The following ADRA1A variants were observed in gnomAD, a reference collection of about 807,000 sequenced individuals.
ADRA1A encodes alpha-1A adrenergic receptor.
Under a neutral mutation model 29.6 loss-of-function variants are expected in ADRA1A, and 31 were observed. The ratio of observed to expected loss-of-function variants is 1.05; its 90% CI spans 0.79 to 1.41. The LOEUF (loss-of-function observed/expected upper bound fraction) is 1.41. ADRA1A is among the 40% of genes most tolerant of loss of function. The pLI is 0.00. For synonymous variants in ADRA1A, 311 were observed against 254.3 expected (o/e 1.22, Z -2.12); for missense variants, 619 against 601.1 (o/e 1.03, Z -0.31).
intron 2 of ADRA1A, among the ~76,000 whole-genome samples, chr8:26,813,343 T>C (rs59209658): frequency 0.064 from 9,686 of 152,256 alleles, 670 homozygotes; most frequent in East Asian, 0.32. Context: ...AAAACAACTA[T>C]AAGGTATCCT....
At position 26,806,367 on chromosome 8, in the gene ADRA1A, G is replaced by A. The variant is rs1325803463; in HGVS notation, c.884-35701C>T. On this transcript the variant is annotated intron_variant, in intron 2 of 2. Transcript: ENST00000380573. The surrounding 1 kb of genome is among the most constrained non-coding windows in gnomAD (Gnocchi z 4.6). ...CCCTTACTGTATAACAGATAGCAGG[G>A]TGCAAAAAGCCCTTTATCCTGTTAA... 2.0e-5 allele frequency among the ~76,000 whole-genome samples: 3 copies of A among 151,556 alleles called. No homozygotes were observed. The highest frequency in any genetic ancestry group is 6.6e-5 in the Admixed American group (1 of 15,238).
chr8:26,819,893 A>G (rs1810032766), intron 2 of ADRA1A, among the ~76,000 whole-genome samples: 3 of 152,242 alleles, frequency 2.0e-5, no homozygotes, highest in Admixed American at 2.0e-4. Flanking sequence ...CACATCTGAA[A>G]GGGAAGTGAT....
At chr8:26,766,165 A>G, downstream of ADRA1A, 3 of 1,562,596 alleles carry the variant, frequency 1.9e-6, no homozygotes, top group Non-Finnish European at 2.6e-6. Flanking sequence ...CAAACAAAAA[A>G]AAAGTTGGAA....
intron 2 of ADRA1A, among the ~76,000 whole-genome samples, chr8:26,801,038 T>A (rs1175747460): frequency 6.6e-6 from 1 of 152,170 alleles, no homozygotes; most frequent in Non-Finnish European, 1.5e-5. Flanking sequence ...GTATGATTAT[T>A]TCAATTGTTG....
At chr8:26,774,850 T>TC (rs1293058905) in intron 2 of ADRA1A, among the ~76,000 whole-genome samples, 1 of 152,116 alleles carries the variant, frequency 6.6e-6, no homozygotes, top group Non-Finnish European at 1.5e-5. Flanking sequence ...GCCCAAACCT[T>TC]CCCCGTCTGG....
At chr8:26,840,737 G>A (rs1811760711) in intron 2 of ADRA1A, among the ~76,000 whole-genome samples, 1 of 152,132 alleles carries the variant, frequency 6.6e-6, no homozygotes, top group Admixed American at 6.5e-5. Context: ...ACTCTAAATG[G>A]AGAAACCGCT....
intron 2 of ADRA1A, among the ~76,000 whole-genome samples, chr8:26,846,354 T>G (rs1812199085): frequency 6.6e-6 from 1 of 152,242 alleles, no homozygotes; most frequent in Non-Finnish European, 1.5e-5. Context: ...ATTGCCATTT[T>G]GGGCTGGTTA....
At chr8:26,810,955 C>A (rs1407391141) in intron 2 of ADRA1A, among the ~76,000 whole-genome samples, 1 of 152,304 alleles carries the variant, frequency 6.6e-6, no homozygotes, top group East Asian at 1.9e-4. Flanking sequence ...AGTCTTTCAT[C>A]ATTTCCCACA....
intron 2 of ADRA1A, among the ~76,000 whole-genome samples, chr8:26,777,856 G>A (rs1251803908): frequency 6.6e-6 from 1 of 152,234 alleles, no homozygotes; most frequent in East Asian, 1.9e-4. Flanking sequence ...CACCCTGGGG[G>A]CCTGCCCAGT....
chr8:26,760,552 C>A (rs1339442712), intron 2 of ADRA1A, among the ~76,000 whole-genome samples: 1 of 152,190 alleles, frequency 6.6e-6, no homozygotes, highest in East Asian at 1.9e-4. Flanking sequence ...TGATACAGGG[C>A]AGACAGCACT....
chr8:26,800,169 G>T (rs953407127), intron 2 of ADRA1A, among the ~76,000 whole-genome samples: 2 of 152,128 alleles, frequency 1.3e-5, no homozygotes, highest in African/African-American at 4.8e-5. Flanking sequence ...TGAGGCAAGA[G>T]AATTGCTTGA....
chr8:26,862,984 A>C (rs1813594131), intron 2 of ADRA1A, among the ~76,000 whole-genome samples: 1 of 152,232 alleles, frequency 6.6e-6, no homozygotes, highest in Admixed American at 6.5e-5. Flanking sequence ...ATGAAATAAA[A>C]AGCTTAGGAA....
intron 2 of ADRA1A, among the ~76,000 whole-genome samples, chr8:26,820,237 A>G (rs1810060924): frequency 6.6e-6 from 1 of 152,210 alleles, no homozygotes; most frequent in Non-Finnish European, 1.5e-5. Context: ...TATACTACAT[A>G]CCAAATGCTA....
rs541735162 is a variant in ADRA1A at position 26,859,027 on chromosome 8, C to T, written c.883+5060G>A. ...AGGACCTTTGCAGTCAAATAGCCTA[C>T]TCACCTGATTTTCCTGGGTCAGTCC... On this transcript the variant is annotated intron_variant, in intron 2 of 2. Coordinates refer to ENST00000380573, the MANE Select transcript of ADRA1A (RefSeq NM_000680.4). 161 of 1,232,684 alleles carry T rather than the reference C, an allele frequency of 1.3e-4. No homozygotes were observed. In the African/African-American group the frequency reaches 2.3e-3, roughly 18 times the overall value. The allele number at this position is 1,232,684 out of a possible 1,614,324, so 76.4% of individuals were successfully genotyped here. A position where few individuals can be genotyped will look rare whatever the true frequency, so the allele number is the denominator to read the frequency against.
intron 2 of ADRA1A, chr8:26,771,791 C>A (rs771255795): frequency 6.5e-6 from 1 of 153,488 alleles, no homozygotes; most frequent in Non-Finnish European, 1.5e-5. Flanking sequence ...GTCCACACCA[C>A]GGACTCCATC....
chr8:26,826,011 AGCT>A, intron 2 of ADRA1A, among the ~76,000 whole-genome samples: 1 of 152,222 alleles, frequency 6.6e-6, no homozygotes, highest in Non-Finnish European at 1.5e-5. Context: ...GAAGATGGCC[AGCT>A]CACTTACACA....
chr8:26,752,260 G>A (rs1404075784), downstream of ADRA1A, among the ~76,000 whole-genome samples: 2 of 152,192 alleles, frequency 1.3e-5, no homozygotes, highest in Admixed American at 6.5e-5. Context: ...TTATAGATGA[G>A]CTTGAGGAGG....
chr8:26,756,747 G>A (rs374029186), exon 3 of ADRA1A: 54 of 1,614,058 alleles, frequency 3.3e-5, no homozygotes, highest in South Asian at 2.9e-4. Context: ...AGTCGTGGAC[G>A]GGAAGCTGGC....
At chr8:26,753,221 G>T (rs991479551), downstream of ADRA1A, among the ~76,000 whole-genome samples, 1 of 152,014 alleles carries the variant, frequency 6.6e-6, no homozygotes, top group African/African-American at 2.4e-5. Context: ...CTCTGACCTC[G>T]GCCCTCATAA....
Sources: gnomAD v4.1 joint callset for allele counts (sites outside exome capture counted in the v4.1 genomes callset) on GRCh38, gnomAD v4.1.1 for gene constraint, Gnocchi (gnomAD v3.1) non-coding constraint, MANE v1.5 for transcripts, NCBI Gene and HGNC (gene_info 2026-07-23, HGNC 2026-07-21) for gene names.